The following EFCAB6 variants were observed in gnomAD, a reference collection of about 807,000 sequenced individuals.
The protein encoded by EFCAB6 is EF-hand calcium binding domain 6.
A neutral mutation model predicts 169.8 loss-of-function variants in EFCAB6; 156 were observed. The ratio of observed to expected loss-of-function variants is 0.92; its 90% CI spans 0.81 to 1.05. The LOEUF (loss-of-function observed/expected upper bound fraction) is 1.05, where lower values mean the gene tolerates loss of function less well. Ranked by LOEUF, EFCAB6 falls within the 50% of genes least tolerant of loss-of-function variation. The pLI is 0.00. For synonymous variants in EFCAB6, 698 were observed against 676.4 expected (o/e 1.03, Z -0.50); for missense variants, 1,800 against 1,829.1 (o/e 0.98, Z 0.29).
chr22:43,540,128 C>G lies in EFCAB6; in HGVS notation c.3878G>C (p.Cys1293Ser). The change falls in exon 28 of 32, where the codon TGT becomes TCT. Residue 1293 changes from cysteine to serine, a missense_variant and splice_region_variant. Transcript: ENST00000262726. ...RPGSKSQSHP[C>S]TPASTTVIPG... ...CACCTGGCAGGATGGAGAACTCACA[C>G]AGGGGTGGCTCTGCGACTTTGACCC... The G allele has an allele frequency of 6.2e-7, 1 of 1,613,922 alleles. No homozygotes were observed. Among genetic ancestry groups the G allele is most frequent in the Non-Finnish European group, 8.5e-7 (1 of 1,179,868 alleles).
At chr22:43,540,009 C>T in intron 28 of EFCAB6, 118 bp downstream of exon 28, 1 of 1,120,020 alleles carries the variant, frequency 8.9e-7, no homozygotes, top group Non-Finnish European at 1.3e-6. Flanking sequence ...ACCCCAGACT[C>T]ACCCGTCTTC....
intron 10 of EFCAB6, among the ~76,000 whole-genome samples, chr22:43,697,545 G>A (rs1569408100): frequency 6.6e-6 from 1 of 151,824 alleles, no homozygotes. Context: ...CAGTTTCCAT[G>A]GCTTTTATAA....
At chr22:43,615,707 G>T in intron 21 of EFCAB6, 119 bp downstream of exon 21, 1 of 765,292 alleles carries the variant, frequency 1.3e-6, no homozygotes. Context: ...TCCTCACACT[G>T]GGTACACAGA....
At chr22:43,530,491 G>A (rs918888176) in intron 31 of EFCAB6, 1 of 980,312 alleles carries the variant, frequency 1.0e-6, no homozygotes. Context: ...CAGGTGTGGG[G>A]AGAGGGCTCG....
chr22:43,570,691 A>T (rs2049803130), intron 26 of EFCAB6, among the ~76,000 whole-genome samples: 2 of 143,862 alleles, frequency 1.4e-5, no homozygotes, highest in Non-Finnish European at 3.0e-5. Context: ...TTCCTCTTTT[A>T]TGCCTTCTAG....
rs528110649 is a variant in EFCAB6, at chr22:43,777,220, G to A, written c.140-4117C>T. 6.0e-4 allele frequency among the ~76,000 whole-genome samples: 92 copies of A among 152,324 alleles called. 1 individual carries two copies. Among genetic ancestry groups the A allele is most frequent in the African/African-American group, 1.9e-3 (80 of 41,572 alleles). ...AAGATGGAGAACACGGGGGAGTCGA[G>A]AGACCCGTTTAGCCAGTTCCGGTCT... On this transcript the variant is annotated intron_variant, in intron 3 of 31. Transcript: ENST00000262726.
At position 43,687,554 on chromosome 22, in the gene EFCAB6, G is replaced by A. The variant is rs767528039; in HGVS notation, c.1059C>T (p.Ile353=). Residue 353 remains isoleucine, a synonymous_variant, in exon 11 of 32, where the codon ATC becomes ATT. Transcript: ENST00000262726. ...KRFGLKATTK[I]NWKQFLTSFH... is the part of the protein sequence containing the mutation. ...ATGATGTTAGAAATTGCTTCCAATT[G>A]ATTTTAGTGGTGGCTTTAAGTCCAA... The A allele has an allele frequency of 1.3e-6, 2 of 1,586,670 alleles. No homozygotes were observed. Among genetic ancestry groups the A allele is most frequent in the Non-Finnish European group, 1.7e-6 (2 of 1,168,054 alleles).
At chr22:43,665,484 G>A (rs553144558) in intron 17 of EFCAB6, among the ~76,000 whole-genome samples, 3 of 152,326 alleles carry the variant, frequency 2.0e-5, no homozygotes, top group East Asian at 3.9e-4. Flanking sequence ...TTTGTGAACT[G>A]ACTTTAAGAA....
intron 8 of EFCAB6, among the ~76,000 whole-genome samples, chr22:43,723,441 A>AT (rs543302421): frequency 4.4e-4 from 67 of 152,276 alleles, no homozygotes; most frequent in African/African-American, 1.5e-3. Flanking sequence ...TAAAAGTTGA[A>AT]TTTTTTTAAA....
chr22:43,567,795 CA>C (rs1393799213), intron 26 of EFCAB6, among the ~76,000 whole-genome samples: 1 of 152,184 alleles, frequency 6.6e-6, no homozygotes, highest in Non-Finnish European at 1.5e-5. Flanking sequence ...CTCTGGTCCT[CA>C]CATCACCATG....
intron 28 of EFCAB6, 125 bp downstream of exon 28, chr22:43,540,002 C>T: frequency 6.6e-6 from 7 of 1,055,232 alleles, no homozygotes; most frequent in Non-Finnish European, 9.6e-6. Context: ...TGCCCCCACC[C>T]CAGACTCACC....
chr22:43,743,864 G>GTGGA (rs1374198775), intron 6 of EFCAB6, among the ~76,000 whole-genome samples: 2 of 152,010 alleles, frequency 1.3e-5, no homozygotes, highest in African/African-American at 4.8e-5. Context: ...TAACTGTTAA[G>GTGGA]TGGATGGATG....
intron 26 of EFCAB6, among the ~76,000 whole-genome samples, chr22:43,567,742 C>A (rs559490503): frequency 6.6e-6 from 1 of 152,152 alleles, no homozygotes; most frequent in African/African-American, 2.4e-5. Flanking sequence ...TTCCTTCCTG[C>A]GTCTCCTTTA....
chr22:43,674,141 T>C (rs991438216), intron 13 of EFCAB6, among the ~76,000 whole-genome samples: 1 of 152,258 alleles, frequency 6.6e-6, no homozygotes, highest in Non-Finnish European at 1.5e-5. Flanking sequence ...GGTATGCATG[T>C]ATGTGGATTT....
chr22:43,576,395 T>C lies in EFCAB6; in HGVS notation c.3322A>G (p.Asn1108Asp). Residue 1108 changes from asparagine (N) to aspartate (D), a missense_variant, in exon 26 of 32, where the codon AAT becomes GAT. Transcript: ENST00000262726. ...LKDFCYKLTD[N>D]QYHYFLRKLR... ...TTCCTCAAAAAATAATGATACTGATTGTCCGTTAGTTTGTAACAGAAATCC... is the reference window on the plus strand; with the variant it reads ...TTCCTCAAAAAATAATGATACTGATCGTCCGTTAGTTTGTAACAGAAATCC... 1 of 1,605,286 alleles carries C rather than the reference T, an allele frequency of 6.2e-7. No individual in the cohort carries two copies. The highest frequency in any genetic ancestry group is 1.1e-5 in the South Asian group (1 of 88,520).
At chr22:43,597,009 T>A (rs1204373027) in intron 23 of EFCAB6, among the ~76,000 whole-genome samples, 2 of 152,036 alleles carry the variant, frequency 1.3e-5, no homozygotes, top group African/African-American at 4.8e-5. Flanking sequence ...GAAAGAAAAG[T>A]CTCTTTAATA....
intron 27 of EFCAB6, among the ~76,000 whole-genome samples, chr22:43,546,181 C>CT (rs746524680): frequency 3.3e-5 from 5 of 151,992 alleles, no homozygotes; most frequent in African/African-American, 4.8e-5. Context: ...ACAAGTCAGA[C>CT]TTTTTTTTCA....
intron 13 of EFCAB6, among the ~76,000 whole-genome samples, chr22:43,673,706 G>T (rs1484708837): frequency 5.9e-5 from 9 of 152,150 alleles, no homozygotes; most frequent in Admixed American, 5.9e-4. Flanking sequence ...TTTGAACCCA[G>T]GAGGCTGAGG....
At chr22:43,623,034 A>T (rs770161684) in intron 20 of EFCAB6, among the ~76,000 whole-genome samples, 1 of 152,252 alleles carries the variant, frequency 6.6e-6, no homozygotes, top group Non-Finnish European at 1.5e-5. Context: ...CAATGATGAG[A>T]TGATTCAGAA....
Sources: allele counts gnomAD v4.1 joint callset (sites outside exome capture counted in the v4.1 genomes callset), GRCh38; gene constraint gnomAD v4.1.1; transcripts MANE v1.5; gene names NCBI Gene and HGNC (gene_info 2026-07-23, HGNC 2026-07-21).